The following ETFA variants were observed in gnomAD, a reference collection of about 807,000 sequenced individuals.
ETFA encodes electron transfer flavoprotein subunit alpha, mitochondrial.
In ETFA, 22 loss-of-function variants were observed where a neutral mutation model predicts 46.2. The observed-to-expected ratio is 0.48, with a 90% confidence interval of 0.34 to 0.68. The LOEUF (loss-of-function observed/expected upper bound fraction) is 0.68, where lower values mean the gene tolerates loss of function less well. ETFA is among the 30% of genes least tolerant of loss of function. The probability of loss-of-function intolerance (pLI) is 0.01; values close to 1 mark genes in which losing one functional copy is unlikely to be tolerated. For synonymous variants in ETFA, 131 were observed against 139.9 expected, an observed-to-expected ratio of 0.94 and a Z score of 0.45; for missense variants, 345 against 401.1, an observed-to-expected ratio of 0.86 and a Z score of 1.19.
In ETFA at chr15:76,217,045, G is replaced by A. The variant is rs562271833; in HGVS notation, c.964-448C>T. ...TTGCCCAGGCTAGTCTCGAACTCCT[G>A]GGCTCAAGTGATCTGCCTGCCTCAG... On this transcript the variant is annotated intron_variant, in intron 11 of 11. Coordinates refer to ENST00000557943, the MANE Select transcript of ETFA (RefSeq NM_000126.4). Among the ~76,000 whole-genome samples the A allele has an allele frequency of 5.2e-4, 79 of 151,946 alleles. 1 individual carries two copies. In the South Asian group the frequency reaches 0.012, roughly 24 times the overall value.
intron 9 of ETFA, chr15:76,260,114 C>A: frequency 2.0e-6 from 3 of 1,484,508 alleles, no homozygotes; most frequent in Admixed American, 3.3e-5. Flanking sequence ...GCCTACCGCA[C>A]TGAACCAAAC....
intron 11 of ETFA, among the ~76,000 whole-genome samples, chr15:76,219,542 T>C (rs2038937463): frequency 6.6e-6 from 1 of 152,172 alleles, no homozygotes; most frequent in Admixed American, 6.5e-5. Flanking sequence ...AAAGCTAACC[T>C]ACAGAATGAG....
At chr15:76,239,187 G>C (rs1334042622) in intron 9 of ETFA, among the ~76,000 whole-genome samples, 1 of 152,150 alleles carries the variant, frequency 6.6e-6, no homozygotes, top group Non-Finnish European at 1.5e-5. Flanking sequence ...AGAGTCTCAG[G>C]CAGGCTTGCT....
chr15:76,256,403 G>C (rs1202524385), intron 9 of ETFA, among the ~76,000 whole-genome samples: 1 of 152,150 alleles, frequency 6.6e-6, no homozygotes, highest in Non-Finnish European at 1.5e-5. Context: ...GTTGTCTCGA[G>C]GGAAAGCACT....
chr15:76,254,799 T>C (rs1222225816), intron 9 of ETFA, among the ~76,000 whole-genome samples: 1 of 152,166 alleles, frequency 6.6e-6, no homozygotes, highest in Non-Finnish European at 1.5e-5. Context: ...TGTGTGTATA[T>C]AGGGATTAAC....
At chr15:76,266,419 A>C (rs907678355) in intron 9 of ETFA, among the ~76,000 whole-genome samples, 1 of 152,230 alleles carries the variant, frequency 6.6e-6, no homozygotes, top group Non-Finnish European at 1.5e-5. Context: ...AACAGTTTAA[A>C]AAAATGTTAT....
At chr15:76,280,914 T>C (rs1023742248) in intron 8 of ETFA, among the ~76,000 whole-genome samples, 9 of 117,466 alleles carry the variant, frequency 7.7e-5, no homozygotes, top group African/African-American at 3.1e-4. Flanking sequence ...TTTGTTCAGA[T>C]GTCTTTTTTT....
chr15:76,311,099 C>G (rs1003059724), intron 1 of ETFA, among the ~76,000 whole-genome samples: 4 of 152,226 alleles, frequency 2.6e-5, no homozygotes, highest in African/African-American at 9.6e-5. Context: ...GAAGAAGGGG[C>G]AGCAGACGCG....
chr15:76,263,209 A>G (rs2039435063), intron 9 of ETFA, among the ~76,000 whole-genome samples: 1 of 152,016 alleles, frequency 6.6e-6, no homozygotes, highest in Non-Finnish European at 1.5e-5. Context: ...GGCCTTTGCA[A>G]CCTCCATACT....
intron 9 of ETFA, chr15:76,259,413 G>C: frequency 8.0e-7 from 1 of 1,243,250 alleles, no homozygotes; most frequent in Non-Finnish European, 1.2e-6. Flanking sequence ...ACCTTGGCTT[G>C]GATGGAGTGG....
At chr15:76,295,861 A>G in intron 1 of ETFA, 124 bp from the exon 2 acceptor site, 1 of 574,700 alleles carries the variant, frequency 1.7e-6, no homozygotes, top group East Asian at 3.3e-5. Flanking sequence ...ATATTATTCT[A>G]TAAATTTATT....
chr15:76,231,529 A>C (rs909463311), intron 9 of ETFA, 131 bp from the exon 10 acceptor site: 3 of 595,924 alleles, frequency 5.0e-6, no homozygotes, highest in Admixed American at 5.9e-5. Flanking sequence ...TGTATTGCTT[A>C]AATTATGCTT....
rs540993643 is a variant in ETFA, at chr15:76,297,309, TTTC to T, written c.40-1575_40-1573del. The stretch of plus-strand genomic sequence containing the variant: ...CTGCAGAATTAATTATATGGTACCC[TTTC>T]TTTTTTCGTTGGAAGAGCATCATAT... On this transcript the variant is annotated intron_variant, in intron 1 of 11. Coordinates refer to ENST00000557943, the MANE Select transcript of ETFA (RefSeq NM_000126.4). Among the ~76,000 whole-genome samples the T allele has an allele frequency of 4.3e-4, 66 of 152,152 alleles. 1 individual carries two copies. In the East Asian group the frequency reaches 0.011, roughly 26 times the overall value.
chr15:76,306,061 T>TTGCTGTGACTTGAACTGTATA (rs1450335008), intron 1 of ETFA, among the ~76,000 whole-genome samples: 4 of 151,934 alleles, frequency 2.6e-5, no homozygotes, highest in Non-Finnish European at 5.9e-5. Flanking sequence ...TTTAGAGTTC[T>TTGCTGTGACTTGAACTGTATA]TGCTGTGACT....
chr15:76,220,181 C>T (rs1487609274), intron 11 of ETFA, among the ~76,000 whole-genome samples: 1 of 152,224 alleles, frequency 6.6e-6, no homozygotes, highest in East Asian at 1.9e-4. Context: ...ATTCTTCCAT[C>T]TCAGCCTCCC....
intron 9 of ETFA, chr15:76,260,762 A>T (rs1255216536): frequency 1.7e-5 from 27 of 1,603,928 alleles, no homozygotes; most frequent in Non-Finnish European, 2.2e-5. Context: ...CCTTGGTCTG[A>T]AAGGGCACCC....
intron 1 of ETFA, among the ~76,000 whole-genome samples, chr15:76,310,587 T>C (rs2039987362): frequency 6.6e-6 from 1 of 152,148 alleles, no homozygotes; most frequent in Non-Finnish European, 1.5e-5. Context: ...TATCAGTCCT[T>C]CTCACAACAG....
At chr15:76,290,333 CTTT>C (rs10682432) in intron 4 of ETFA, among the ~76,000 whole-genome samples, 10 of 97,142 alleles carry the variant, frequency 1.0e-4, no homozygotes, top group African/African-American at 2.3e-4. Flanking sequence ...AGTCGCTACT[CTTT>C]TTTTTTTTTT....
In ETFA at chr15:76,216,561, AT is replaced by A; in HGVS notation, c.999del (p.Lys333AsnfsTer18). The A allele has an allele frequency of 1.9e-6, 3 of 1,577,682 alleles. No individual in the cohort carries two copies. Among genetic ancestry groups the A allele is most frequent in the Non-Finnish European group, 2.6e-6 (3 of 1,147,002 alleles). ...VPEMTEILKK[K>X] The stretch of plus-strand genomic sequence containing the variant: ...TCTTTTTAAGGCATGATCCTGATTC[AT>A]TTTTTCTTCAATATCTCAGTCATTT... On this transcript the variant is annotated frameshift_variant, in exon 12 of 12. Transcript: ENST00000557943. LOFTEE classifies it high-confidence loss of function.
Sources: allele counts gnomAD v4.1 joint callset (sites outside exome capture counted in the v4.1 genomes callset), GRCh38; gene constraint gnomAD v4.1.1; transcripts MANE v1.5; gene names NCBI Gene and HGNC (gene_info 2026-07-23, HGNC 2026-07-21).